PRKN: variants seen among roughly 807,000 people sequenced by gnomAD.
PRKN encodes the protein E3 ubiquitin-protein ligase parkin.
A neutral mutation model predicts 59.5 loss-of-function variants in PRKN; 56 were observed. The ratio of observed to expected loss-of-function variants is 0.94; its 90% CI spans 0.76 to 1.18. The LOEUF (loss-of-function observed/expected upper bound fraction) is 1.18, where lower values mean the gene tolerates loss of function less well. Among genes scored for constraint, PRKN ranks in the 50% most tolerant of loss-of-function variants. The pLI, the probability that PRKN is intolerant of heterozygous loss-of-function variation, is 0.00. For missense variants in PRKN, 657 were observed against 596.4 expected (o/e 1.10, Z -1.06); for synonymous variants, 250 against 222.1 (o/e 1.13, Z -1.12).
intron 2 of PRKN, among the ~76,000 whole-genome samples, chr6:162,344,626 C>CT (rs914559838): frequency 1.3e-3 from 109 of 84,784 alleles, no homozygotes; most frequent in African/African-American, 5.9e-3. Context: ...TTTATGATGC[C>CT]CCCTGCCCAC....
chr6:161,938,046 A>G (rs1046385671), intron 6 of PRKN, among the ~76,000 whole-genome samples: 4 of 152,226 alleles, frequency 2.6e-5, no homozygotes, highest in Admixed American at 1.3e-4. Context: ...ACCTAGGTCA[A>G]TATAAAATAA....
rs961318069 is a variant in PRKN at position 161,579,587 on chromosome 6, T to A, written c.872-10171A>T. Among the ~76,000 whole-genome samples the A allele has an allele frequency of 2.5e-4, 38 of 152,226 alleles. No individual in the cohort carries two copies. Among genetic ancestry groups the A allele is most frequent in the Non-Finnish European group, 1.0e-4 (7 of 68,040 alleles). On this transcript the variant is annotated intron_variant, in intron 7 of 11. Coordinates refer to ENST00000366898, the MANE Select transcript of PRKN (RefSeq NM_004562.3). The surrounding 1 kb of genome is among the most constrained non-coding windows in gnomAD (Gnocchi z 4.2). ...TGAATAGGGCATATTCAGGCACTAT[T>A]AAGTTTGGGAAAATAAATCATATCC...
Position 162,285,266 on chromosome 6 carries a change from A to ATTT in PRKN, c.172-22504_172-22502dup, listed in dbSNP as rs11392809. ...AGGGATCTTCACAGATATTTTGGAG[A>ATTT]TTTTTTTTTTTTTTTTTTTTTTTTT... On this transcript the variant is annotated intron_variant, in intron 2 of 11. Coordinates refer to ENST00000366898, the MANE Select transcript of PRKN (RefSeq NM_004562.3). Among the ~76,000 whole-genome samples the ATTT allele has an allele frequency of 7.7e-3, 737 of 95,918 alleles. 10 individuals carry two copies. Among genetic ancestry groups the ATTT allele is most frequent in the Non-Finnish European group, 0.011 (538 of 50,598 alleles). The allele number at this position is 95,918 out of a possible 152,430, so 62.9% of individuals were successfully genotyped here.
intron 1 of PRKN, among the ~76,000 whole-genome samples, chr6:162,666,484 G>A (rs1779109104): frequency 6.6e-6 from 1 of 152,052 alleles, no homozygotes; most frequent in Non-Finnish European, 1.5e-5. Context: ...TCTCCACAGA[G>A]CGCTAAGATA....
chr6:161,545,460 G>C lies in PRKN; in HGVS notation c.1083+3394C>G, dbSNP rs1779763406. On this transcript the variant is annotated intron_variant, in intron 9 of 11. Transcript: ENST00000366898. The surrounding 1 kb of genome is among the most constrained non-coding windows in gnomAD (Gnocchi z 4.1). ...ATACTGTGAGAGCAAAGAGTAAAAA[G>C]AGATTCACCTTCTTCTAACTTTTAT... The C allele has an allele frequency of 1.3e-6, 2 of 1,521,590 alleles. No individual in the cohort carries two copies. The highest frequency in any genetic ancestry group is 3.3e-5 in the Admixed American group (2 of 59,762). 94.3% of individuals were successfully genotyped at this position (1,521,590 alleles called of 1,614,324 possible).
intron 4 of PRKN, among the ~76,000 whole-genome samples, chr6:162,072,438 T>C (rs1778618684): frequency 6.6e-6 from 1 of 152,206 alleles, no homozygotes; most frequent in South Asian, 2.1e-4. Context: ...AGTAGTATTC[T>C]GAGCATGGAG....
At chr6:162,647,949 CAAA>C (rs398003250) in intron 1 of PRKN, among the ~76,000 whole-genome samples, 71 of 75,610 alleles carry the variant, frequency 9.4e-4, no homozygotes, top group African/African-American at 3.8e-3. Context: ...GTCCACAGTG[CAAA>C]AAAAAAAAAA....
chr6:162,600,545 C>T (rs933853632), intron 1 of PRKN, among the ~76,000 whole-genome samples: 1 of 152,140 alleles, frequency 6.6e-6, no homozygotes, highest in Non-Finnish European at 1.5e-5. Flanking sequence ...TTATTTTAAT[C>T]ACAGATGGTG....
At chr6:162,173,364 T>A (rs574644319) in intron 4 of PRKN, among the ~76,000 whole-genome samples, 19 of 152,244 alleles carry the variant, frequency 1.2e-4, no homozygotes, top group Admixed American at 7.8e-4. Context: ...AACCAAGGAA[T>A]TTCACCACCA....
intron 9 of PRKN, among the ~76,000 whole-genome samples, chr6:161,477,600 A>C (rs1192170133): frequency 6.6e-6 from 1 of 152,084 alleles, no homozygotes; most frequent in African/African-American, 2.4e-5. Context: ...ATTCAGTTGC[A>C]GCATAGAAGA....
chr6:162,665,971 C>T (rs34591938), intron 1 of PRKN, among the ~76,000 whole-genome samples: 2 of 151,986 alleles, frequency 1.3e-5, no homozygotes, highest in African/African-American at 2.4e-5. Flanking sequence ...AAAACTGGCT[C>T]GACATATGCG....
chr6:162,711,633 T>A (rs1275954233), intron 1 of PRKN, among the ~76,000 whole-genome samples: 1 of 152,130 alleles, frequency 6.6e-6, no homozygotes, highest in Admixed American at 6.5e-5. Flanking sequence ...TGTTTAGCAA[T>A]CTAGATTGCA....
chr6:162,048,389 T>C (rs570385657), intron 5 of PRKN, among the ~76,000 whole-genome samples: 60 of 152,028 alleles, frequency 3.9e-4, no homozygotes, highest in African/African-American at 1.4e-3. Context: ...GTTCTTGCAG[T>C]TGGCTAAGGG....
intron 1 of PRKN, among the ~76,000 whole-genome samples, chr6:162,563,011 A>G (rs937445115): frequency 2.0e-5 from 3 of 152,186 alleles, no homozygotes; most frequent in Non-Finnish European, 4.4e-5. Flanking sequence ...TGTTTAAGAG[A>G]AAGCAAGAGA....
intron 2 of PRKN, among the ~76,000 whole-genome samples, chr6:162,324,363 T>C (rs1393154642): frequency 6.6e-6 from 1 of 152,126 alleles, no homozygotes; most frequent in Non-Finnish European, 1.5e-5. Context: ...GTGGTGATGG[T>C]ACTGAGGTAT....
intron 2 of PRKN, among the ~76,000 whole-genome samples, chr6:162,322,393 G>A (rs936838229): frequency 3.9e-5 from 6 of 152,074 alleles, no homozygotes; most frequent in African/African-American, 1.4e-4. Flanking sequence ...TCTACAGATT[G>A]TCAATCAAAA....
chr6:161,567,047 G>A (rs1383753528), intron 8 of PRKN, among the ~76,000 whole-genome samples: 1 of 112,324 alleles, frequency 8.9e-6, no homozygotes, highest in Non-Finnish European at 1.8e-5. Flanking sequence ...TTGTGTGTGT[G>A]TGTGTGTGTG....
intron 10 of PRKN, among the ~76,000 whole-genome samples, chr6:161,383,604 C>T (rs1366435498): frequency 6.6e-6 from 1 of 152,200 alleles, no homozygotes; most frequent in Non-Finnish European, 1.5e-5. Context: ...CGTGATGACA[C>T]CTCCTGTCAT....
chr6:162,559,984 T>G (rs1779768494), intron 1 of PRKN, among the ~76,000 whole-genome samples: 1 of 152,200 alleles, frequency 6.6e-6, no homozygotes, highest in African/African-American at 2.4e-5. Flanking sequence ...TAAAATGAGT[T>G]GTCTAACAAA....
Sources: gnomAD v4.1 joint callset for allele counts (sites outside exome capture counted in the v4.1 genomes callset) on GRCh38, gnomAD v4.1.1 for gene constraint, Gnocchi (gnomAD v3.1) non-coding constraint, MANE v1.5 for transcripts, NCBI Gene and HGNC (gene_info 2026-07-23, HGNC 2026-07-21) for gene names.